The following PLCB1 variants were observed in gnomAD, a reference collection of about 807,000 sequenced individuals.
The protein encoded by PLCB1 is 1-phosphatidylinositol 4,5-bisphosphate phosphodiesterase beta-1.
A neutral mutation model predicts 161.8 loss-of-function variants in PLCB1; 46 were observed. The ratio of observed to expected loss-of-function variants is 0.28; its 90% CI spans 0.22 to 0.36. The LOEUF (loss-of-function observed/expected upper bound fraction) is 0.36. Among genes scored for constraint, PLCB1 ranks in the 10% least tolerant of loss-of-function variants. The pLI, the probability that PLCB1 is intolerant of heterozygous loss-of-function variation, is 1.00. For synonymous variants in PLCB1, 517 were observed against 503.7 expected (o/e 1.03, Z -0.35); for missense variants, 1,016 against 1,472.5 (o/e 0.69, Z 5.07).
intron 11 of PLCB1, among the ~76,000 whole-genome samples, chr20:8,702,735 G>A (rs947157959): frequency 7.2e-5 from 11 of 152,114 alleles, no homozygotes; most frequent in African/African-American, 2.2e-4. Context: ...GAGCATTACC[G>A]TACTTTCACA....
At chr20:8,444,178 A>G (rs1980699457) in intron 3 of PLCB1, among the ~76,000 whole-genome samples, 2 of 151,798 alleles carry the variant, frequency 1.3e-5, no homozygotes, top group African/African-American at 4.8e-5. Flanking sequence ...CCCTAATGCT[A>G]TCCCTCCCAC....
At chr20:8,455,159 T>C (rs902865783) in intron 3 of PLCB1, among the ~76,000 whole-genome samples, 28 of 151,756 alleles carry the variant, frequency 1.8e-4, no homozygotes, top group African/African-American at 6.3e-4. Flanking sequence ...AGGAACACCG[T>C]CTCTACTAAA....
intron 3 of PLCB1, among the ~76,000 whole-genome samples, chr20:8,499,575 T>G (rs976458815): frequency 1.3e-5 from 2 of 152,202 alleles, no homozygotes; most frequent in Non-Finnish European, 2.9e-5. Flanking sequence ...ACATTTTGGT[T>G]GTTGTTTAAA....
At chr20:8,483,797 T>G (rs910114365) in intron 3 of PLCB1, among the ~76,000 whole-genome samples, 9 of 152,194 alleles carry the variant, frequency 5.9e-5, no homozygotes, top group African/African-American at 1.9e-4. Flanking sequence ...ATCTTTAAAC[T>G]GGCTTGCTTC....
At chr20:8,201,637 A>G (rs2052092550) in intron 2 of PLCB1, among the ~76,000 whole-genome samples, 1 of 152,126 alleles carries the variant, frequency 6.6e-6, no homozygotes, top group African/African-American at 2.4e-5. Flanking sequence ...TCCATCTCAT[A>G]TAGGTTATTA....
In PLCB1 at chr20:8,142,480, A is replaced by G. The variant is rs529047766; in HGVS notation, c.100-7814A>G. On this transcript the variant is annotated intron_variant, in intron 1 of 31. Coordinates refer to ENST00000338037, the MANE Select transcript of PLCB1 (RefSeq NM_015192.4). Reference sequence around the variant, plus strand: ...TGCTGATTTCATTTAAGGTCCAAATATGTCTTAAGATTGAGTGTATACTAC... The same window carrying G: ...TGCTGATTTCATTTAAGGTCCAAATGTGTCTTAAGATTGAGTGTATACTAC... Among the ~76,000 whole-genome samples the G allele has an allele frequency of 4.6e-5, 7 of 152,336 alleles. No individual in the cohort carries two copies. The East Asian group carries it at 9.6e-4, about 21-fold the overall frequency.
At chr20:8,146,328 C>T (rs1236249310) in intron 1 of PLCB1, among the ~76,000 whole-genome samples, 1 of 152,152 alleles carries the variant, frequency 6.6e-6, no homozygotes, top group Non-Finnish European at 1.5e-5. Context: ...ACTGGCTTTC[C>T]TTGAGGAAGT....
At chr20:8,565,650 A>G (rs1385414266) in intron 3 of PLCB1, among the ~76,000 whole-genome samples, 2 of 152,078 alleles carry the variant, frequency 1.3e-5, no homozygotes, top group Non-Finnish European at 2.9e-5. Context: ...TTCTCTGGAA[A>G]TGTAACCAGC....
chr20:8,730,149 G>T (rs1980158965), intron 18 of PLCB1, among the ~76,000 whole-genome samples: 2 of 151,902 alleles, frequency 1.3e-5, no homozygotes, highest in South Asian at 4.1e-4. Context: ...CAATTCAGTG[G>T]ATCAGGTCAG....
chr20:8,364,233 A>G (rs1986635327), intron 2 of PLCB1, among the ~76,000 whole-genome samples: 3 of 152,180 alleles, frequency 2.0e-5, no homozygotes, highest in Admixed American at 2.0e-4. Context: ...AGGCAATGGG[A>G]CAATGAAGGA....
chr20:8,822,890 G>A (rs1451687088), intron 31 of PLCB1, among the ~76,000 whole-genome samples: 1 of 152,234 alleles, frequency 6.6e-6, no homozygotes, highest in South Asian at 2.1e-4. Flanking sequence ...GTATCCATGG[G>A]TTCCACATCC....
At chr20:8,469,389 A>T (rs1263124933) in intron 3 of PLCB1, among the ~76,000 whole-genome samples, 3 of 152,176 alleles carry the variant, frequency 2.0e-5, no homozygotes, top group Non-Finnish European at 4.4e-5. Context: ...CTAAATTAAT[A>T]TCCTAATTCA....
chr20:8,877,071 C>T (rs547730028), intron 31 of PLCB1, among the ~76,000 whole-genome samples: 8 of 152,176 alleles, frequency 5.3e-5, no homozygotes, highest in African/African-American at 1.2e-4. Flanking sequence ...GCCATTTGCA[C>T]GACCAATCTA....
chr20:8,184,164 A>T (rs1434060621), intron 2 of PLCB1, among the ~76,000 whole-genome samples: 1 of 152,192 alleles, frequency 6.6e-6, no homozygotes, highest in Non-Finnish European at 1.5e-5. Flanking sequence ...GCATATATAC[A>T]CATAGAAAGA....
At chr20:8,521,772 G>A (rs1290681518) in intron 3 of PLCB1, among the ~76,000 whole-genome samples, 1 of 152,198 alleles carries the variant, frequency 6.6e-6, no homozygotes, top group Non-Finnish European at 1.5e-5. Flanking sequence ...AGCATGGACT[G>A]CATTCTAAAA....
chr20:8,357,336 A>G (rs191267589), intron 2 of PLCB1, among the ~76,000 whole-genome samples: 3 of 152,342 alleles, frequency 2.0e-5, no homozygotes, highest in South Asian at 2.1e-4. Flanking sequence ...GTGAACAATG[A>G]TATTAACCAA....
At chr20:8,775,319 A>G (rs868024804) in intron 27 of PLCB1, among the ~76,000 whole-genome samples, 2 of 152,198 alleles carry the variant, frequency 1.3e-5, no homozygotes, top group African/African-American at 4.8e-5. Context: ...ATTCCTTGAT[A>G]CATAGTAGGG....
chr20:8,181,248 C>CAAAAAAAAAAAAAAAAAA (rs60871672), intron 2 of PLCB1, among the ~76,000 whole-genome samples: 1 of 81,314 alleles, frequency 1.2e-5, no homozygotes, highest in African/African-American at 3.8e-5. Flanking sequence ...GACTCTGTCT[C>CAAAAAAAAAAAAAAAAAA]AAAAAAAAAA....
At position 8,434,106 on chromosome 20, in the gene PLCB1, G is replaced by A. The variant is rs78543471; in HGVS notation, c.246+62656G>A. 5.0e-3 allele frequency among the ~76,000 whole-genome samples: 759 copies of A among 152,278 alleles called. 10 individuals are homozygous for A. The highest frequency in any genetic ancestry group is 0.017 in the African/African-American group (701 of 41,544). ...ATTCTTAAGCAAAAAAGCACAATAG[G>A]TGTGATTGTGTGTACCATTTTTTTG... On this transcript the variant is annotated intron_variant, in intron 3 of 31. Coordinates refer to ENST00000338037, the MANE Select transcript of PLCB1 (RefSeq NM_015192.4).
Sources: allele counts gnomAD v4.1 joint callset (sites outside exome capture counted in the v4.1 genomes callset), GRCh38; gene constraint gnomAD v4.1.1; transcripts MANE v1.5; gene names NCBI Gene and HGNC (gene_info 2026-07-23, HGNC 2026-07-21).